The following SEMA5A variants were observed in gnomAD, a reference collection of about 807,000 sequenced individuals.
The protein encoded by SEMA5A is semaphorin-5A.
Under a neutral mutation model 135.5 loss-of-function variants are expected in SEMA5A, and 55 were observed. That is an observed-to-expected ratio of 0.41 (90% CI 0.33 to 0.51). SEMA5A has a LOEUF of 0.51. Ranked by LOEUF, SEMA5A falls within the 20% of genes least tolerant of loss-of-function variation. The pLI is 0.37. For missense variants in SEMA5A, 1,290 were observed against 1,419.9 expected (o/e 0.91, Z 1.47); for synonymous variants, 580 against 546.5 (o/e 1.06, Z -0.85).
intron 16 of SEMA5A, among the ~76,000 whole-genome samples, chr5:9,097,902 GACA>G (rs1236884256): frequency 6.6e-6 from 1 of 152,170 alleles, no homozygotes; most frequent in Non-Finnish European, 1.5e-5. Flanking sequence ...TGGTAAGAGG[GACA>G]ACATCAGTAC....
chr5:9,468,762 G>C (rs1759361988), intron 1 of SEMA5A, among the ~76,000 whole-genome samples: 1 of 152,122 alleles, frequency 6.6e-6, no homozygotes, highest in African/African-American at 2.4e-5. Context: ...CGAATTACTA[G>C]TATCACAACA....
At chr5:9,091,933 G>T (rs2150125485) in intron 16 of SEMA5A, among the ~76,000 whole-genome samples, 1 of 152,308 alleles carries the variant, frequency 6.6e-6, no homozygotes, top group South Asian at 2.1e-4. Context: ...GACTTTTTCA[G>T]AGAAGCCTGG....
At chr5:9,075,781 T>C (rs1488098976) in intron 16 of SEMA5A, among the ~76,000 whole-genome samples, 1 of 152,204 alleles carries the variant, frequency 6.6e-6, no homozygotes, top group East Asian at 1.9e-4. Context: ...ACCTTAAAAC[T>C]GACCAAAATT....
At chr5:9,145,171 A>T (rs774590374) in intron 12 of SEMA5A, among the ~76,000 whole-genome samples, 1 of 152,210 alleles carries the variant, frequency 6.6e-6, no homozygotes, top group Non-Finnish European at 1.5e-5. Context: ...CCAGCTCAGA[A>T]GGACCTGCAT....
chr5:9,509,725 G>T (rs486947), intron 1 of SEMA5A, among the ~76,000 whole-genome samples: 137,450 of 152,230 alleles, frequency 0.9, 62,258 homozygotes, highest in Middle Eastern at 0.95. Flanking sequence ...TCTTAAAGTT[G>T]AGTTTCTGAG....
chr5:9,515,980 A>T (rs190270040), intron 1 of SEMA5A, among the ~76,000 whole-genome samples: 30 of 152,376 alleles, frequency 2.0e-4, no homozygotes, highest in Admixed American at 7.2e-4. Context: ...TCATATCTGA[A>T]TATAGTTACG....
intron 16 of SEMA5A, among the ~76,000 whole-genome samples, chr5:9,084,109 A>T (rs928475618): frequency 2.0e-5 from 3 of 152,238 alleles, no homozygotes; most frequent in African/African-American, 7.2e-5. Flanking sequence ...TAAAAGACCT[A>T]CTAGTCAAAA....
intron 1 of SEMA5A, among the ~76,000 whole-genome samples, chr5:9,476,014 A>T (rs2126766130): frequency 6.6e-6 from 1 of 152,320 alleles, no homozygotes; most frequent in Non-Finnish European, 1.5e-5. Flanking sequence ...ATGCAAGGAG[A>T]TATTAGGCTA....
chr5:9,519,918 A>G (rs183037209), intron 1 of SEMA5A: 2 of 152,332 alleles, frequency 1.3e-5, no homozygotes, highest in East Asian at 1.9e-4. Context: ...CTCCTAGACA[A>G]TGTGCTTCTG....
chr5:9,220,511 C>T (rs1321025034), intron 8 of SEMA5A, among the ~76,000 whole-genome samples: 1 of 150,876 alleles, frequency 6.6e-6, no homozygotes, highest in South Asian at 2.1e-4. Context: ...CCAAAAACCA[C>T]CTGTGCCCCA....
rs538963871 is a variant in SEMA5A at position 9,141,570 on chromosome 5, A to G, written c.1482-4949T>C. On this transcript the variant is annotated intron_variant, in intron 12 of 22. Transcript: ENST00000382496. Reference sequence around the variant, plus strand: ...GAATCCGAAGGTTTAATTTTTTTCAAAAACACACTTATTGAGGGTATTTTT... The same window carrying G: ...GAATCCGAAGGTTTAATTTTTTTCAGAAACACACTTATTGAGGGTATTTTT... Among the ~76,000 whole-genome samples the G allele has an allele frequency of 2.8e-3, 424 of 152,278 alleles. 3 individuals are homozygous for G. Among genetic ancestry groups the G allele is most frequent in the Non-Finnish European group, 4.5e-3 (304 of 68,010 alleles).
intron 16 of SEMA5A, among the ~76,000 whole-genome samples, chr5:9,103,862 G>A (rs59536928): frequency 0.13 from 19,023 of 151,968 alleles, 1,392 homozygotes; most frequent in African/African-American, 0.21. Flanking sequence ...TTTGTGTTAC[G>A]AGTTTATCTT....
At chr5:9,303,658 C>A (rs1275462719) in intron 5 of SEMA5A, among the ~76,000 whole-genome samples, 1 of 151,866 alleles carries the variant, frequency 6.6e-6, no homozygotes, top group Non-Finnish European at 1.5e-5. Flanking sequence ...AGCTAAATAC[C>A]CAAATTTGAT....
intron 8 of SEMA5A, among the ~76,000 whole-genome samples, chr5:9,207,102 G>GTATAAATATATATATATA (rs1746064768): frequency 1.0e-5 from 1 of 97,698 alleles, no homozygotes. Context: ...ATGATCAAGT[G>GTATAAATATATATATATA]TATATATATA....
At chr5:9,210,848 T>C (rs1410761627) in intron 8 of SEMA5A, among the ~76,000 whole-genome samples, 4 of 152,154 alleles carry the variant, frequency 2.6e-5, no homozygotes, top group South Asian at 2.1e-4. Context: ...ATATTGTAAA[T>C]AGCTACTGCG....
At chr5:9,451,821 C>T (rs112045061) in intron 1 of SEMA5A, among the ~76,000 whole-genome samples, 9 of 152,282 alleles carry the variant, frequency 5.9e-5, no homozygotes, top group South Asian at 2.1e-4. Context: ...TCACCTTCCC[C>T]GTCTTCTTTC....
At chr5:9,312,626 T>A (rs563617374) in intron 5 of SEMA5A, among the ~76,000 whole-genome samples, 1 of 152,194 alleles carries the variant, frequency 6.6e-6, no homozygotes, top group Non-Finnish European at 1.5e-5. Context: ...ATTTACCTCA[T>A]ACAGATAACA....
chr5:9,370,725 C>T (rs1326378707), intron 3 of SEMA5A, among the ~76,000 whole-genome samples: 1 of 152,198 alleles, frequency 6.6e-6, no homozygotes, highest in East Asian at 1.9e-4. Flanking sequence ...GACATCACCA[C>T]TGCTATCCAC....
intron 1 of SEMA5A, among the ~76,000 whole-genome samples, chr5:9,521,266 C>A (rs766024165): frequency 3.3e-5 from 5 of 152,084 alleles, no homozygotes; most frequent in Non-Finnish European, 7.4e-5. Context: ...AAAAATTAGC[C>A]GGGCGTGGTG....
Sources: gnomAD v4.1 joint callset for allele counts (sites outside exome capture counted in the v4.1 genomes callset) on GRCh38, gnomAD v4.1.1 for gene constraint, MANE v1.5 for transcripts, NCBI Gene and HGNC (gene_info 2026-07-23, HGNC 2026-07-21) for gene names.